Variants in SLC9A4 observed in about 807,000 individuals in gnomAD.
SLC9A4 encodes solute carrier family 9 member A4, also known as sodium/hydrogen exchanger 4.
Under a neutral mutation model 67.4 loss-of-function variants are expected in SLC9A4, and 63 were observed. That is an observed-to-expected ratio of 0.93 (90% CI 0.76 to 1.15). The LOEUF (loss-of-function observed/expected upper bound fraction) is 1.15, where lower values mean the gene tolerates loss of function less well. Ranked by LOEUF, SLC9A4 falls within the 50% of genes most tolerant of loss-of-function variation. The probability of loss-of-function intolerance (pLI) is 0.00; values close to 1 mark genes in which losing one functional copy is unlikely to be tolerated. For synonymous variants in SLC9A4, 393 were observed against 367.2 expected, an observed-to-expected ratio of 1.07 and a Z score of -0.80; for missense variants, 1,089 against 987.7, an observed-to-expected ratio of 1.10 and a Z score of -1.38.
At chr2:102,514,717 T>C (rs954813962) in intron 8 of SLC9A4, among the ~76,000 whole-genome samples, 1 of 152,094 alleles carries the variant, frequency 6.6e-6, no homozygotes, top group African/African-American at 2.4e-5. Flanking sequence ...AGAGGTGTGG[T>C]CATTGGTGGT....
At chr2:102,478,688 A>G in intron 1 of SLC9A4, 151 bp from the exon 2 acceptor site, 1 of 728,696 alleles carries the variant, frequency 1.4e-6, no homozygotes, top group Non-Finnish European at 2.2e-6. Flanking sequence ...GGCGACCCTC[A>G]TGACACTACC....
intron 6 of SLC9A4, 58 bp downstream of exon 6, chr2:102,508,991 A>G (rs1323157066): frequency 2.1e-6 from 3 of 1,443,902 alleles, no homozygotes; most frequent in Non-Finnish European, 1.9e-6. Context: ...CTTTGTCACC[A>G]TGAGACATGT....
Position 102,516,720 on chromosome 2 carries a change from G to C in SLC9A4, c.1721+2469G>C, listed in dbSNP as rs906465803. On this transcript the variant is annotated intron_variant, in intron 8 of 11. Transcript: ENST00000295269. ...AAACTCAAAGCAATCCTGTGAATAA[G>C]TAGAATATGCACTTTGATTACTATC... Among the ~76,000 whole-genome samples, 3 of 152,146 alleles carry C rather than the reference G, an allele frequency of 2.0e-5. No homozygotes were observed. In the East Asian group the frequency reaches 5.8e-4, roughly 29 times the overall value.
At chr2:102,480,936 G>C (rs964388393) in intron 2 of SLC9A4, among the ~76,000 whole-genome samples, 3 of 152,204 alleles carry the variant, frequency 2.0e-5, no homozygotes, top group Non-Finnish European at 2.9e-5. Flanking sequence ...GTGGGAGGCA[G>C]GCTTTGTGGT....
chr2:102,529,001 C>G (rs1265325172), intron 11 of SLC9A4, among the ~76,000 whole-genome samples: 1 of 152,208 alleles, frequency 6.6e-6, no homozygotes, highest in East Asian at 1.9e-4. Context: ...TGAAGCCAGT[C>G]TCATACATGC....
chr2:102,481,861 A>G (rs529299242), intron 2 of SLC9A4, among the ~76,000 whole-genome samples: 1 of 150,896 alleles, frequency 6.6e-6, no homozygotes, highest in East Asian at 1.9e-4. Context: ...TTTTTTTCCC[A>G]TTTACAATTT....
chr2:102,510,846 G>A (rs139150217), intron 6 of SLC9A4, among the ~76,000 whole-genome samples: 3,117 of 152,300 alleles, frequency 0.02, 384 homozygotes, highest in Admixed American at 0.18. Context: ...ACTGGGCATG[G>A]TTTCTATTTG....
chr2:102,497,941 G>C (rs962973623), intron 2 of SLC9A4, among the ~76,000 whole-genome samples: 3 of 152,152 alleles, frequency 2.0e-5, no homozygotes, highest in Non-Finnish European at 4.4e-5. Context: ...TGTGTTAAAA[G>C]GGCTTTGCAA....
intron 1 of SLC9A4, among the ~76,000 whole-genome samples, chr2:102,474,936 A>G (rs972547748): frequency 6.6e-6 from 1 of 152,120 alleles, no homozygotes; most frequent in African/African-American, 2.4e-5. Flanking sequence ...ATGGGTGTGT[A>G]ATGTGGGTTG....
rs1684398983 is a variant in SLC9A4, at chr2:102,479,124, G to T, written c.542G>T (p.Cys181Phe). 6.2e-7 allele frequency: 1 copy of T among 1,614,026 alleles called. No homozygotes were observed. The highest frequency in any genetic ancestry group is 1.3e-5 in the African/African-American group (1 of 74,930). ...ATTGGCCTCTCCCTCTACCTCATCTGCCAGGTGAAGGCCTTTGGCCTGGGC... is the reference window on the plus strand; with the variant it reads ...ATTGGCCTCTCCCTCTACCTCATCTTCCAGGTGAAGGCCTTTGGCCTGGGC... ...LGIGLSLYLI[C>F]QVKAFGLGDV... is the part of the protein sequence containing the mutation. The change falls in exon 2 of 12, where the codon TGC becomes TTC. Residue 181 changes from cysteine (C) to phenylalanine (F), a missense_variant. Transcript: ENST00000295269.
rs1674827407 is a variant in SLC9A4, at chr2:102,533,698, G to A, written c.*1010G>A. On this transcript the variant is annotated 3_prime_UTR_variant, in exon 12 of 12. Coordinates refer to ENST00000295269, the MANE Select transcript of SLC9A4 (RefSeq NM_001011552.4). Reference sequence around the variant, plus strand: ...GTGATGTTCCCCTTCCTGTGTCCATGTGATCTCATTGTTCAATTCCCACCT... The same window carrying A: ...GTGATGTTCCCCTTCCTGTGTCCATATGATCTCATTGTTCAATTCCCACCT... 1 of 132,612 alleles carries A rather than the reference G, an allele frequency of 7.5e-6. No individual in the cohort carries two copies. The highest frequency in any genetic ancestry group is 1.5e-5 in the Non-Finnish European group (1 of 65,252). The allele number at this position is 132,612 out of a possible 1,614,324, so 8.2% of individuals were successfully genotyped here. A position where few individuals can be genotyped will look rare whatever the true frequency, so the allele number is the denominator to read the frequency against.
At chr2:102,492,194 C>A (rs551192528) in intron 2 of SLC9A4, among the ~76,000 whole-genome samples, 1 of 152,218 alleles carries the variant, frequency 6.6e-6, no homozygotes, top group Non-Finnish European at 1.5e-5. Flanking sequence ...AAGGTACAAG[C>A]TGTCAGTGGA....
At chr2:102,482,506 A>T (rs767230422) in intron 2 of SLC9A4, among the ~76,000 whole-genome samples, 1 of 152,134 alleles carries the variant, frequency 6.6e-6, no homozygotes, top group East Asian at 1.9e-4. Context: ...AAATACTGTC[A>T]TACTTTCAGT....
At chr2:102,509,426 A>G (rs1685114781) in intron 6 of SLC9A4, among the ~76,000 whole-genome samples, 1 of 152,214 alleles carries the variant, frequency 6.6e-6, no homozygotes, top group Admixed American at 6.5e-5. Flanking sequence ...TCCATCTGCC[A>G]CTTAATCCTC....
chr2:102,498,263 G>C (rs539795383), intron 2 of SLC9A4, among the ~76,000 whole-genome samples: 40 of 152,188 alleles, frequency 2.6e-4, no homozygotes, highest in South Asian at 6.2e-4. Flanking sequence ...CAGTAGTAAG[G>C]ATTGTGATTG....
At chr2:102,513,015 C>T (rs555123453) in intron 7 of SLC9A4, among the ~76,000 whole-genome samples, 3 of 152,270 alleles carry the variant, frequency 2.0e-5, no homozygotes, top group South Asian at 4.1e-4. Context: ...AGACACAAAG[C>T]ATCCAGTATG....
rs764264654 is a variant in SLC9A4, at chr2:102,532,655, C to T, written c.2364C>T (p.His788=). The change falls in exon 12 of 12, where the codon CAC becomes CAT. Residue 788 remains histidine, a synonymous_variant. Transcript: ENST00000295269. ...TADHGHGRDH[H]RSHSPLLQKK Reference sequence around the variant, plus strand: ...ACCATGGACACGGCAGGGACCATCACAGGTCCCATAGTCCTTTGCTCCAAA... The same window carrying T: ...ACCATGGACACGGCAGGGACCATCATAGGTCCCATAGTCCTTTGCTCCAAA... The T allele has an allele frequency of 6.2e-7, 1 of 1,613,972 alleles. No individual in the cohort carries two copies.
At chr2:102,508,699 C>A in intron 5 of SLC9A4, 148 bp from the exon 6 acceptor site, 2 of 602,338 alleles carry the variant, frequency 3.3e-6, no homozygotes, top group Non-Finnish European at 5.7e-6. Flanking sequence ...GAATGGAAAA[C>A]TGAAATGAAC....
chr2:102,501,623 C>A (rs1413350185), intron 2 of SLC9A4, among the ~76,000 whole-genome samples: 1 of 151,854 alleles, frequency 6.6e-6, no homozygotes, highest in Non-Finnish European at 1.5e-5. Context: ...CCTGGAGGGG[C>A]CAGAACTAGC....
Sources: allele counts gnomAD v4.1 joint callset (sites outside exome capture counted in the v4.1 genomes callset), GRCh38; gene constraint gnomAD v4.1.1; transcripts MANE v1.5; gene names NCBI Gene and HGNC (gene_info 2026-07-23, HGNC 2026-07-21).